SLC24A2: variants seen among roughly 807,000 people sequenced by gnomAD.
SLC24A2 encodes solute carrier family 24 member 2.
SLC24A2 carries 36 observed loss-of-function variants against 62.0 expected under a neutral mutation model. The observed-to-expected ratio is 0.58, with a 90% CI of 0.44 to 0.77. SLC24A2 has a LOEUF of 0.77. SLC24A2 is among the 30% of genes least tolerant of loss of function. The pLI is 0.00. For synonymous variants in SLC24A2, 358 were observed against 294.0 expected, an observed-to-expected ratio of 1.22 and a Z score of -2.23; for missense variants, 846 against 817.9, an observed-to-expected ratio of 1.03 and a Z score of -0.42.
At chr9:19,824,556 T>C in the SLC24A2 span, among the ~76,000 whole-genome samples, 1 of 152,242 alleles carries the variant, frequency 6.6e-6, no homozygotes, top group African/African-American at 2.4e-5. Context: ...ATGGGAATGC[T>C]TTTACGCTGT....
chr9:19,635,971 T>C (rs1257347038), intron 2 of SLC24A2, among the ~76,000 whole-genome samples: 1 of 152,252 alleles, frequency 6.6e-6, no homozygotes, highest in Non-Finnish European at 1.5e-5. Context: ...TGTGTATTTT[T>C]TGACATGGTT....
chr9:19,759,001 G>T (rs1054795235), intron 2 of SLC24A2, among the ~76,000 whole-genome samples: 2 of 152,134 alleles, frequency 1.3e-5, no homozygotes, highest in Admixed American at 1.3e-4. Flanking sequence ...TGTCAAGATT[G>T]CACAGCAATC....
At chr9:20,014,033 C>G in the SLC24A2 span, among the ~76,000 whole-genome samples, 5 of 152,226 alleles carry the variant, frequency 3.3e-5, no homozygotes, top group African/African-American at 9.6e-5. Context: ...CAAAGTGAGA[C>G]TCTGTCTCTA....
the SLC24A2 span, among the ~76,000 whole-genome samples, chr9:19,877,207 G>A: frequency 6.6e-6 from 1 of 150,984 alleles, no homozygotes; most frequent in South Asian, 2.1e-4. Flanking sequence ...AAAAGGGAGG[G>A]AAATCAGAGG....
intron 2 of SLC24A2, among the ~76,000 whole-genome samples, chr9:19,674,142 C>A (rs763362735): frequency 6.6e-6 from 1 of 152,114 alleles, no homozygotes; most frequent in Admixed American, 6.6e-5. Context: ...CTTAGTTTCT[C>A]TAGATACAAA....
chr9:19,797,381 T>TC, the SLC24A2 span, among the ~76,000 whole-genome samples: 1 of 152,268 alleles, frequency 6.6e-6, no homozygotes, highest in East Asian at 1.9e-4. Context: ...CTATATTTGT[T>TC]CTGGCCTGGT....
the SLC24A2 span, among the ~76,000 whole-genome samples, chr9:19,917,389 C>A: frequency 6.9e-6 from 1 of 144,098 alleles, no homozygotes; most frequent in African/African-American, 2.5e-5. Flanking sequence ...TGCACTTTTG[C>A]CTCCAGATAA....
At chr9:20,273,801 C>T in the SLC24A2 span, among the ~76,000 whole-genome samples, 1 of 152,182 alleles carries the variant, frequency 6.6e-6, no homozygotes, top group Non-Finnish European at 1.5e-5. Context: ...CCCATCTGTT[C>T]AATCATATTT....
the SLC24A2 span, among the ~76,000 whole-genome samples, chr9:19,843,489 G>C: frequency 6.6e-6 from 1 of 152,222 alleles, no homozygotes; most frequent in Non-Finnish European, 1.5e-5. Flanking sequence ...TGCAGCCTGG[G>C]CAACAAGAGC....
intron 2 of SLC24A2, among the ~76,000 whole-genome samples, chr9:19,653,891 A>T (rs1338399925): frequency 2.0e-5 from 3 of 152,166 alleles, no homozygotes; most frequent in African/African-American, 7.2e-5. Context: ...GTGATTCTAC[A>T]TCTATGCCAA....
At chr9:20,260,130 A>G in the SLC24A2 span, among the ~76,000 whole-genome samples, 1 of 152,218 alleles carries the variant, frequency 6.6e-6, no homozygotes, top group Non-Finnish European at 1.5e-5. Flanking sequence ...TTAAGAGGCA[A>G]TTAGACCACG....
the SLC24A2 span, among the ~76,000 whole-genome samples, chr9:20,021,381 A>T: frequency 3.3e-5 from 5 of 151,978 alleles, no homozygotes; most frequent in Non-Finnish European, 7.4e-5. Flanking sequence ...ACACACATAC[A>T]TGTATATAAT....
chr9:20,000,541 C>T, the SLC24A2 span, among the ~76,000 whole-genome samples: 3 of 152,296 alleles, frequency 2.0e-5, no homozygotes, highest in African/African-American at 7.2e-5. Context: ...AGAACACAAA[C>T]GGCCCTGAGA....
At chr9:20,266,854 G>T in the SLC24A2 span, among the ~76,000 whole-genome samples, 1 of 152,020 alleles carries the variant, frequency 6.6e-6, no homozygotes, top group South Asian at 2.1e-4. Context: ...GAGGCAGGAG[G>T]ATCACTTGAG....
At chr9:19,973,764 A>C in the SLC24A2 span, among the ~76,000 whole-genome samples, 6 of 152,234 alleles carry the variant, frequency 3.9e-5, no homozygotes, top group Admixed American at 6.5e-5. Context: ...ATTCTTTCAA[A>C]TGCTGTGGCT....
At chr9:20,272,240 C>T in the SLC24A2 span, among the ~76,000 whole-genome samples, 5 of 152,072 alleles carry the variant, frequency 3.3e-5, no homozygotes, top group South Asian at 4.1e-4. Context: ...TTTTTGAGAC[C>T]GCCTAAAAGG....
At chr9:20,023,907 G>A in the SLC24A2 span, among the ~76,000 whole-genome samples, 1 of 152,182 alleles carries the variant, frequency 6.6e-6, no homozygotes, top group South Asian at 2.1e-4. Context: ...AAGGCCCTGT[G>A]GACATCCTAG....
the SLC24A2 span, among the ~76,000 whole-genome samples, chr9:20,164,914 C>T: frequency 1.7e-4 from 24 of 143,398 alleles, no homozygotes; most frequent in Non-Finnish European, 3.4e-4. Context: ...TATTCTCACT[C>T]ATAGGTGGGA....
chr9:20,147,043 C>T, the SLC24A2 span, among the ~76,000 whole-genome samples: 3 of 152,046 alleles, frequency 2.0e-5, no homozygotes, highest in Admixed American at 2.0e-4. Context: ...ATGAGCTGGC[C>T]CTAAGACCAG....
Sources: allele counts gnomAD v4.1 joint callset (sites outside exome capture counted in the v4.1 genomes callset), GRCh38; gene constraint gnomAD v4.1.1; transcripts MANE v1.5; gene names NCBI Gene and HGNC (gene_info 2026-07-23, HGNC 2026-07-21).